Variants in DLGAP2 observed in about 807,000 individuals in gnomAD.
DLGAP2 encodes DLG associated protein 2.
DLGAP2 carries 26 observed loss-of-function variants against 100.3 expected under a neutral mutation model. The observed-to-expected ratio is 0.26, with a 90% confidence interval of 0.19 to 0.36. The LOEUF (loss-of-function observed/expected upper bound fraction) is 0.36. Ranked by LOEUF, DLGAP2 falls within the 10% of genes least tolerant of loss-of-function variation. The pLI is 1.00. For missense variants in DLGAP2, 1,858 were observed against 1,453.2 expected (o/e 1.28, Z -4.53); for synonymous variants, 886 against 630.1 (o/e 1.41, Z -6.08).
At chr8:996,912 G>C (rs528343551) in intron 2 of DLGAP2, among the ~76,000 whole-genome samples, 31 of 152,284 alleles carry the variant, frequency 2.0e-4, no homozygotes, top group Admixed American at 7.2e-4. Context: ...GTCACACTGT[G>C]ACTCACCATT....
chr8:1,258,744 C>A lies in DLGAP2; in HGVS notation c.74-107C>A, dbSNP rs932233714. 17 of 982,178 alleles carry A rather than the reference C, an allele frequency of 1.7e-5. 1 individual carries two copies. The African/African-American group carries it at 2.7e-4, about 16-fold the overall frequency. The allele number at this position is 982,178 out of a possible 1,614,324, so 60.8% of individuals were successfully genotyped here. A position where few individuals can be genotyped will look rare whatever the true frequency, so the allele number is the denominator to read the frequency against. On this transcript the variant is annotated intron_variant, in intron 2 of 14. Transcript: ENST00000637795. ...GTCCACTGGCTCTGGTGTGGTCAAG[C>A]GGCGTCATCTTAAAGTTGTAGTTTT... is the stretch of plus-strand genomic sequence containing the variant.
At chr8:803,508 G>T (rs1487207115) in intron 1 of DLGAP2, among the ~76,000 whole-genome samples, 1 of 152,114 alleles carries the variant, frequency 6.6e-6, no homozygotes, top group African/African-American at 2.4e-5. Flanking sequence ...GCCCAGGAAA[G>T]CTTGGAGATG....
chr8:1,356,705 T>C (rs1029168807), intron 3 of DLGAP2, among the ~76,000 whole-genome samples: 4 of 152,096 alleles, frequency 2.6e-5, no homozygotes, highest in Middle Eastern at 3.2e-3. Flanking sequence ...TTCGCCACAA[T>C]GTAACCCTAC....
At chr8:1,338,593 C>T (rs930281977) in intron 3 of DLGAP2, among the ~76,000 whole-genome samples, 3 of 152,152 alleles carry the variant, frequency 2.0e-5, no homozygotes, top group African/African-American at 4.8e-5. Context: ...TATAAAACCA[C>T]CAAGTTGTAA....
chr8:915,561 A>G (rs1798574232), intron 2 of DLGAP2, among the ~76,000 whole-genome samples: 1 of 148,420 alleles, frequency 6.7e-6, no homozygotes, highest in African/African-American at 2.4e-5. Flanking sequence ...AAAAAAAAAG[A>G]AACCCATCGC....
chr8:1,537,078 GTA>G (rs1801177831), intron 4 of DLGAP2, among the ~76,000 whole-genome samples: 2 of 151,968 alleles, frequency 1.3e-5, no homozygotes, highest in South Asian at 2.1e-4. Flanking sequence ...GTGGTATGTG[GTA>G]TGTGGTATGT....
chr8:1,036,490 G>C (rs575562876), intron 2 of DLGAP2, among the ~76,000 whole-genome samples: 1 of 152,222 alleles, frequency 6.6e-6, no homozygotes, highest in African/African-American at 2.4e-5. Flanking sequence ...CCGTGGGGAC[G>C]GTCGGGGGAG....
At chr8:942,282 C>T (rs888725532) in intron 2 of DLGAP2, among the ~76,000 whole-genome samples, 5 of 152,240 alleles carry the variant, frequency 3.3e-5, no homozygotes, top group Non-Finnish European at 1.5e-5. Context: ...GCTCTGCTGC[C>T]GCCTGTGTAA....
intron 1 of DLGAP2, chr8:740,265 C>T (rs1000058234): frequency 1.3e-5 from 2 of 152,232 alleles, no homozygotes; most frequent in Non-Finnish European, 2.9e-5. Flanking sequence ...TCTAAGTCAA[C>T]TTTTCATAGT....
intron 8 of DLGAP2, among the ~76,000 whole-genome samples, chr8:1,658,754 C>T (rs1270628216): frequency 1.7e-4 from 26 of 152,150 alleles, no homozygotes; most frequent in Admixed American, 1.7e-3. Context: ...ATTAGTCTGG[C>T]TACCGGTCCA....
At chr8:1,033,879 AC>A (rs1802049931) in intron 2 of DLGAP2, among the ~76,000 whole-genome samples, 1 of 100,142 alleles carries the variant, frequency 1.0e-5, no homozygotes. Flanking sequence ...CCTCATCCCG[AC>A]CCCGCGTGTC....
intron 2 of DLGAP2, among the ~76,000 whole-genome samples, chr8:1,115,284 G>C (rs566732274): frequency 4.1e-4 from 63 of 152,280 alleles, no homozygotes; most frequent in Non-Finnish European, 6.6e-4. Flanking sequence ...ACTGTCAGTG[G>C]AATGTTGACG....
chr8:959,526 T>C (rs1799673930), intron 2 of DLGAP2, among the ~76,000 whole-genome samples: 1 of 152,246 alleles, frequency 6.6e-6, no homozygotes, highest in South Asian at 2.1e-4. Context: ...AGGGCAGCCT[T>C]GTGCAACAGA....
intron 3 of DLGAP2, among the ~76,000 whole-genome samples, chr8:1,271,585 T>G (rs899054352): frequency 6.6e-6 from 1 of 152,186 alleles, no homozygotes; most frequent in Non-Finnish European, 1.5e-5. Flanking sequence ...AATAAAGAGT[T>G]GTAAATACAG....
intron 1 of DLGAP2, among the ~76,000 whole-genome samples, chr8:814,850 C>CAAAAA (rs34412684): frequency 4.0e-4 from 25 of 61,876 alleles, no homozygotes; most frequent in Admixed American, 4.7e-4. Context: ...GACTCCGTCT[C>CAAAAA]AAAAAAAAAA....
chr8:1,551,698 C>G (rs1292464633), intron 5 of DLGAP2, among the ~76,000 whole-genome samples: 7 of 152,178 alleles, frequency 4.6e-5, no homozygotes, highest in African/African-American at 1.7e-4. Flanking sequence ...TCTGCACTCA[C>G]GCCTTCCCAC....
chr8:1,667,061 G>C (rs1798561904), intron 8 of DLGAP2, among the ~76,000 whole-genome samples: 1 of 152,056 alleles, frequency 6.6e-6, no homozygotes. Flanking sequence ...GCCTCCCACT[G>C]TGTGTGTGTG....
At chr8:751,303 G>A (rs956033387) in intron 1 of DLGAP2, among the ~76,000 whole-genome samples, 4 of 150,128 alleles carry the variant, frequency 2.7e-5, no homozygotes, top group South Asian at 2.1e-4. Context: ...CTGGATCTCC[G>A]GCCACCCTCT....
At chr8:936,271 G>C (rs531005680) in intron 2 of DLGAP2, among the ~76,000 whole-genome samples, 156 of 152,288 alleles carry the variant, frequency 1.0e-3, no homozygotes, top group African/African-American at 3.7e-3. Context: ...AAGAGAAGGG[G>C]ACCCAAGGGG....
Sources: allele counts gnomAD v4.1 joint callset (sites outside exome capture counted in the v4.1 genomes callset), GRCh38; gene constraint gnomAD v4.1.1; transcripts MANE v1.5; gene names NCBI Gene and HGNC (gene_info 2026-07-23, HGNC 2026-07-21).